Variants in MACF1 observed in about 807,000 individuals in gnomAD.
The protein encoded by MACF1 is microtubule-actin cross-linking factor 1.
In MACF1, 193 loss-of-function variants were observed where a neutral mutation model predicts 854.8. The observed-to-expected ratio is 0.23, with a 90% CI of 0.20 to 0.25. MACF1 has a LOEUF of 0.25. MACF1 is among the 10% of genes least tolerant of loss of function. MACF1 has a pLI of 1.00. For synonymous variants in MACF1, 3,185 were observed against 3,226.7 expected (o/e 0.99, Z 0.44); for missense variants, 7,722 against 8,929.1 (o/e 0.86, Z 5.45).
In MACF1 at chr1:39,110,637, A is replaced by T. The variant is rs1011882132; in HGVS notation, c.220+26199A>T. Among the ~76,000 whole-genome samples the T allele has an allele frequency of 9.2e-5, 14 of 152,294 alleles. No homozygotes were observed. The East Asian group carries it at 1.7e-3, about 19-fold the overall frequency. On this transcript the variant is annotated intron_variant, in intron 2 of 93. Coordinates refer to the MACF1 transcript ENST00000361689. ...GAGTAAGTGCTACTTCTGGACATGA[A>T]CACTGTTAATTCAGAAAGTGAGTCA...
At chr1:39,158,496 G>A (rs1643734097) in intron 2 of MACF1, among the ~76,000 whole-genome samples, 1 of 152,202 alleles carries the variant, frequency 6.6e-6, no homozygotes, top group African/African-American at 2.4e-5. Context: ...AAGAGCTCCT[G>A]TTGTGGTGAT....
At position 39,302,703 on chromosome 1, in the gene MACF1, A is replaced by T. The variant is rs573417919; in HGVS notation, c.2635-221A>T. Among the ~76,000 whole-genome samples, 7 of 152,374 alleles carry T rather than the reference A, an allele frequency of 4.6e-5. No individual in the cohort carries two copies. In the South Asian group the frequency reaches 1.4e-3, roughly 32 times the overall value. On this transcript the variant is annotated intron_variant, in intron 22 of 100. Transcript: ENST00000564288. ...TTGACATGTAACAGGTATTTAATAC[A>T]TACTTATTTCCTTGATTTATTTGGT...
At chr1:39,380,608 AT>A (rs2148555467) in intron 55 of MACF1, among the ~76,000 whole-genome samples, 1 of 152,320 alleles carries the variant, frequency 6.6e-6, no homozygotes, top group African/African-American at 2.4e-5. Context: ...ATCTACTGTG[AT>A]CAAGAACCAA....
chr1:39,243,446 G>A (rs935705745), intron 2 of MACF1, among the ~76,000 whole-genome samples: 4 of 152,160 alleles, frequency 2.6e-5, no homozygotes, highest in African/African-American at 7.2e-5. Flanking sequence ...CTGTTGTCCA[G>A]GCTGGAGTGC....
intron 92 of MACF1, among the ~76,000 whole-genome samples, chr1:39,461,109 G>A (rs1326321786): frequency 6.6e-6 from 1 of 151,746 alleles, no homozygotes; most frequent in Non-Finnish European, 1.5e-5. Context: ...AAAGACAGTG[G>A]TTAACCAGAG....
chr1:39,337,679 G>A (rs1402472247), intron 38 of MACF1, among the ~76,000 whole-genome samples: 26 of 144,456 alleles, frequency 1.8e-4, no homozygotes, highest in Non-Finnish European at 3.3e-4. Context: ...CAATTCCCCT[G>A]CCTCAGCCTC....
chr1:39,408,241 G>A (rs574604520), intron 58 of MACF1, among the ~76,000 whole-genome samples: 4 of 152,270 alleles, frequency 2.6e-5, no homozygotes, highest in African/African-American at 7.2e-5. Flanking sequence ...AGGTCTGTGA[G>A]CAGAGAAATC....
At chr1:39,245,364 A>G (rs906217673) in intron 2 of MACF1, among the ~76,000 whole-genome samples, 1 of 152,098 alleles carries the variant, frequency 6.6e-6, no homozygotes, top group Non-Finnish European at 1.5e-5. Flanking sequence ...ATCTTGGCTC[A>G]CTGCAACCCC....
intron 49 of MACF1, 76 bp downstream of exon 49, chr1:39,361,753 A>G (rs1039892261): frequency 7.9e-6 from 11 of 1,391,376 alleles, no homozygotes; most frequent in African/African-American, 1.4e-5. Context: ...TGCTGAGCGC[A>G]TACTACATCA....
intron 2 of MACF1, chr1:39,120,959 C>T (rs911081645): frequency 1.4e-4 from 21 of 152,338 alleles, no homozygotes; most frequent in East Asian, 5.8e-4. Context: ...GAACACTTCA[C>T]GAATTTGTGT....
At chr1:39,245,411 G>T (rs1481760441) in intron 2 of MACF1, among the ~76,000 whole-genome samples, 3 of 152,156 alleles carry the variant, frequency 2.0e-5, no homozygotes, top group Non-Finnish European at 4.4e-5. Flanking sequence ...CTCCTGAGTA[G>T]CTGGGACTAC....
Position 39,458,213 on chromosome 1 carries a change from C to G in MACF1, c.21076-157C>G, listed in dbSNP as rs945728823. On this transcript the variant is annotated intron_variant, in intron 89 of 100. Transcript: ENST00000564288. Reference sequence around the variant, plus strand: ...ATGAGATTTGGAGGGGACAAATATCCAAACTACATCCCTCAGTAACTCAAC... The same window carrying G: ...ATGAGATTTGGAGGGGACAAATATCGAAACTACATCCCTCAGTAACTCAAC... 118 of 625,462 alleles carry G rather than the reference C, an allele frequency of 1.9e-4. 1 individual carries two copies. In the South Asian group the frequency reaches 2.7e-3, roughly 14 times the overall value. The allele number at this position is 625,462 out of a possible 1,614,324, so 38.7% of individuals were successfully genotyped here. A position where few individuals can be genotyped will look rare whatever the true frequency, so the allele number is the denominator to read the frequency against.
intron 2 of MACF1, among the ~76,000 whole-genome samples, chr1:39,232,714 A>C (rs1007463723): frequency 3.3e-5 from 5 of 150,444 alleles, no homozygotes; most frequent in Non-Finnish European, 7.4e-5. Context: ...AAAACTAAAC[A>C]GTTATCAGAA....
intron 26 of MACF1, 119 bp from the exon 27 acceptor site, chr1:39,315,394 G>C: frequency 1.3e-6 from 1 of 762,276 alleles, no homozygotes; most frequent in Non-Finnish European, 2.2e-6. Context: ...TATTCAACCA[G>C]CCTCCTATAT....
At chr1:39,208,166 G>GT (rs71057199) in intron 1 of MACF1, among the ~76,000 whole-genome samples, 86,197 of 141,470 alleles carry the variant, frequency 0.61, 27,847 homozygotes, top group South Asian at 0.78. Context: ...ATATAAAAGG[G>GT]TTTTTTTTTT....
intron 21 of MACF1, among the ~76,000 whole-genome samples, chr1:39,298,271 G>A (rs1019374637): frequency 4.6e-5 from 7 of 152,024 alleles, no homozygotes; most frequent in South Asian, 4.1e-4. Context: ...TGTAATATTT[G>A]TGCAGTTATT....
chr1:39,448,827 A>G, intron 84 of MACF1, 64 bp downstream of exon 84: 1 of 1,352,088 alleles, frequency 7.4e-7, no homozygotes, highest in East Asian at 2.4e-5. Flanking sequence ...TTCTTACCAG[A>G]TTCTATAAAA....
At chr1:39,422,343 A>G (rs1396183085) in intron 58 of MACF1, 31 bp from the exon 59 acceptor site, 2 of 1,604,024 alleles carry the variant, frequency 1.2e-6, no homozygotes, top group African/African-American at 1.3e-5. Context: ...TAGCCTTTGT[A>G]TTAAATCTTC....
chr1:39,123,722 T>TA lies in MACF1; in HGVS notation c.220+39284_220+39285insA. Among the ~76,000 whole-genome samples, 2 of 135,994 alleles carry TA rather than the reference T, an allele frequency of 1.5e-5. 1 individual carries two copies. The highest frequency in any genetic ancestry group is 7.1e-3 in the Middle Eastern group (2 of 282). 89.2% of individuals were successfully genotyped at this position (135,994 alleles called of 152,430 possible). ...GCCCGGCTAATTCTTGTTTTGTTTTTTTTTTTTTTTTTTTTGTCCGAGGCA... is the reference window on the plus strand; with the variant it reads ...GCCCGGCTAATTCTTGTTTTGTTTTTATTTTTTTTTTTTTTTGTCCGAGGCA... On this transcript the variant is annotated intron_variant, in intron 2 of 93. Coordinates refer to the MACF1 transcript ENST00000361689.
Sources: allele counts gnomAD v4.1 joint callset (sites outside exome capture counted in the v4.1 genomes callset), GRCh38; gene constraint gnomAD v4.1.1; transcripts MANE v1.5; gene names NCBI Gene and HGNC (gene_info 2026-07-23, HGNC 2026-07-21).